FHDC1: variants seen among roughly 807,000 people sequenced by gnomAD.
FHDC1 encodes FH2 domain-containing protein 1.
A neutral mutation model predicts 52.6 loss-of-function variants in FHDC1; 25 were observed. The ratio of observed to expected loss-of-function variants is 0.48; its 90% CI spans 0.35 to 0.66. The LOEUF (loss-of-function observed/expected upper bound fraction) is 0.66. Ranked by LOEUF, FHDC1 falls within the 30% of genes least tolerant of loss-of-function variation. The pLI is 0.01. For missense variants in FHDC1, 1,459 were observed against 1,452.8 expected, an observed-to-expected ratio of 1.00 and a Z score of -0.07; for synonymous variants, 616 against 581.5, an observed-to-expected ratio of 1.06 and a Z score of -0.85.
Position 152,976,144 on chromosome 4 carries a change from C to T in FHDC1, c.2853C>T (p.Gly951=), listed in dbSNP as rs779825496. 1.9e-6 allele frequency: 3 copies of T among 1,611,338 alleles called. No individual in the cohort carries two copies. The highest frequency in any genetic ancestry group is 1.7e-6 in the Non-Finnish European group (2 of 1,179,160). The part of the protein sequence containing the change: ...RQNSVRRAST[G]AEEQRLPRGS... ...ACTCCGTGCGGAGGGCCTCCACAGG[C>T]GCCGAAGAGCAGAGGCTGCCGCGGG... Residue 951 remains glycine (G), a synonymous_variant, in exon 12 of 12, where the codon GGC becomes GGT. Transcript: ENST00000511601.
upstream of FHDC1, among the ~76,000 whole-genome samples, chr4:152,931,463 C>T (rs1028574996): frequency 9.5e-5 from 4 of 42,246 alleles, no homozygotes; most frequent in Non-Finnish European, 1.4e-4. Context: ...AAAACACACA[C>T]ACACACACAC....
intron 4 of FHDC1, among the ~76,000 whole-genome samples, chr4:152,959,940 A>ATCGG (rs1249030139): frequency 1.1e-5 from 1 of 95,100 alleles, no homozygotes; most frequent in Non-Finnish European, 2.0e-5. Context: ...GGGCAATCTT[A>ATCGG]ACGTCCCGTT....
chr4:152,965,480 A>G (rs1740429701), intron 9 of FHDC1, among the ~76,000 whole-genome samples: 1 of 152,234 alleles, frequency 6.6e-6, no homozygotes, highest in Admixed American at 6.5e-5. Context: ...GTATCTGCCA[A>G]ACATAAGGCT....
At chr4:152,914,317 C>T in the FHDC1 span, among the ~76,000 whole-genome samples, 5 of 152,020 alleles carry the variant, frequency 3.3e-5, no homozygotes, top group African/African-American at 9.7e-5. Context: ...AAGTGGTCAT[C>T]GTAATGTACA....
chr4:152,941,707 T>G (rs1739575784), intron 1 of FHDC1, among the ~76,000 whole-genome samples: 1 of 152,244 alleles, frequency 6.6e-6, no homozygotes, highest in Non-Finnish European at 1.5e-5. Context: ...TATTTGAATT[T>G]GTGAGATCAG....
At position 152,975,869 on chromosome 4, in the gene FHDC1, G is replaced by A; in HGVS notation, c.2578G>A (p.Val860Ile). 1 of 1,515,162 alleles carries A rather than the reference G, an allele frequency of 6.6e-7. No homozygotes were observed. The highest frequency in any genetic ancestry group is 8.8e-7 in the Non-Finnish European group (1 of 1,133,430). The allele number at this position is 1,515,162 out of a possible 1,614,324, so 93.9% of individuals were successfully genotyped here. Residue 860 changes from valine (V) to isoleucine (I), a missense_variant, in exon 12 of 12, where the codon GTA (valine) becomes ATA (isoleucine). This residue lies in a region of FHDC1 where 939 missense variants were observed against 854.5 expected (regional missense o/e 1.10). Coordinates refer to ENST00000511601, the MANE Select transcript of FHDC1 (RefSeq NM_001371116.1). ...RDKPTKRKDVVAPKRGSLKEA... is the reference protein window; with the variant it reads ...RDKPTKRKDVIAPKRGSLKEA... ...CAAACCCACCAAAAGGAAAGATGTT[G>A]TAGCACCAAAGAGAGGCTCCCTGAA...
chr4:152,917,191 A>G, the FHDC1 span: 2 of 141,322 alleles, frequency 1.4e-5, no homozygotes, highest in Non-Finnish European at 3.1e-5. Flanking sequence ...TTTTAGCCTA[A>G]TAATGATGGT....
rs770129906 is a variant in FHDC1, at chr4:152,976,153, G to A, written c.2862G>A (p.Glu954=). 7 of 1,611,948 alleles carry A rather than the reference G, an allele frequency of 4.3e-6. No individual in the cohort carries two copies. In the African/African-American group the frequency reaches 8.0e-5, roughly 18 times the overall value. Residue 954 remains glutamate, a synonymous_variant, in exon 12 of 12, where the codon GAG becomes GAA. Coordinates refer to ENST00000511601, the MANE Select transcript of FHDC1 (RefSeq NM_001371116.1). The part of the protein sequence containing the change: ...SVRRASTGAE[E]QRLPRGSSGS... ...GGAGGGCCTCCACAGGCGCCGAAGA[G>A]CAGAGGCTGCCGCGGGGGAGCAGCG...
At chr4:152,945,217 C>A (rs943791432) in intron 2 of FHDC1, among the ~76,000 whole-genome samples, 4 of 152,224 alleles carry the variant, frequency 2.6e-5, no homozygotes, top group African/African-American at 9.6e-5. Context: ...AGGAAAGTGG[C>A]AGGGGTGTGG....
At chr4:152,964,797 C>A in intron 8 of FHDC1, 108 bp from the exon 9 acceptor site, 2 of 864,198 alleles carry the variant, frequency 2.3e-6, no homozygotes, top group Non-Finnish European at 3.7e-6. Context: ...TTGAATGTGT[C>A]AAGTTTAAAA....
intron 2 of FHDC1, among the ~76,000 whole-genome samples, chr4:152,949,127 G>GAAGAAGAA (rs1739838166): frequency 2.8e-5 from 1 of 35,214 alleles, no homozygotes; most frequent in Non-Finnish European, 5.6e-5. Context: ...ATAATAATAA[G>GAAGAAGAA]AAGAAGAAGA....
In FHDC1 at chr4:152,976,777, T is replaced by C; in HGVS notation, c.*54T>C. 1 of 1,445,052 alleles carries C rather than the reference T, an allele frequency of 6.9e-7. No individual in the cohort carries two copies. The highest frequency in any genetic ancestry group is 9.1e-7 in the Non-Finnish European group (1 of 1,095,356). 89.5% of individuals were successfully genotyped at this position (1,445,052 alleles called of 1,614,324 possible). The stretch of plus-strand genomic sequence containing the variant: ...GATTCAGACGGTGAAGACTGACTTC[T>C]GGGACGAGGATGGGGAAAGAGGCAG... On this transcript the variant is annotated 3_prime_UTR_variant, in exon 12 of 12. Transcript: ENST00000511601.
intron 6 of FHDC1, among the ~76,000 whole-genome samples, chr4:152,961,803 A>AT (rs1284400558): frequency 6.6e-6 from 1 of 152,236 alleles, no homozygotes; most frequent in African/African-American, 2.4e-5. Flanking sequence ...AAGGAAAAAG[A>AT]TTTTTAAAAA....
chr4:152,935,830 G>GGTGT (rs35457762), upstream of FHDC1, among the ~76,000 whole-genome samples: 50 of 132,288 alleles, frequency 3.8e-4, no homozygotes, highest in Admixed American at 5.9e-4. Flanking sequence ...GGCGTGTGCG[G>GGTGT]GTGTGTGTGT....
chr4:152,920,908 A>G, the FHDC1 span, among the ~76,000 whole-genome samples: 1 of 151,390 alleles, frequency 6.6e-6, no homozygotes, highest in Non-Finnish European at 1.5e-5. Context: ...CCCTTTAATT[A>G]TAGACAACTT....
rs747172018 is a variant in FHDC1, at chr4:152,975,624, A to G, written c.2333A>G (p.Asp778Gly). The change falls in exon 12 of 12, where the codon GAC becomes GGC. Residue 778 changes from aspartate (D) to glycine (G), a missense_variant. This residue lies in a region of FHDC1 where 939 missense variants were observed against 854.5 expected (regional missense o/e 1.10). Coordinates refer to ENST00000511601, the MANE Select transcript of FHDC1 (RefSeq NM_001371116.1). Reference sequence around the variant, plus strand: ...CTGTTCTGCATCTCGGACACCACCGACTGCTCACTGACCCTGGACTGCTCA... The same window carrying G: ...CTGTTCTGCATCTCGGACACCACCGGCTGCTCACTGACCCTGGACTGCTCA... ...RPLFCISDTT[D>G]CSLTLDCSEG... The G allele has an allele frequency of 6.2e-7, 1 of 1,613,608 alleles. No homozygotes were observed. The highest frequency in any genetic ancestry group is 1.7e-5 in the Admixed American group (1 of 60,034).
At chr4:152,962,992 T>C (rs1332868235) in intron 7 of FHDC1, 31 bp from the exon 8 acceptor site, 1 of 1,560,648 alleles carries the variant, frequency 6.4e-7, no homozygotes, top group Non-Finnish European at 8.8e-7. Context: ...TATGTATACA[T>C]AATTTTTTCT....
At position 152,949,090 on chromosome 4, in the gene FHDC1, GTAATAATAATAATAATAA is replaced by G. The variant is rs368429472; in HGVS notation, c.499-4390_499-4373del. ...GGCAACAGAGCAAAACCTTGTCTCA[GTAATAATAATAATAATAA>G]TAATAATAATAATAATAAGAAGAAG... On this transcript the variant is annotated intron_variant, in intron 2 of 11. Transcript: ENST00000511601. 3.0e-3 allele frequency among the ~76,000 whole-genome samples: 349 copies of G among 117,546 alleles called. 2 individuals are homozygous for G. Among genetic ancestry groups the G allele is most frequent in the East Asian group, 0.02 (84 of 4,170 alleles). 77.1% of individuals were successfully genotyped at this position (117,546 alleles called of 152,430 possible).
chr4:152,919,916 AT>A, the FHDC1 span, among the ~76,000 whole-genome samples: 1 of 147,384 alleles, frequency 6.8e-6, no homozygotes, highest in Non-Finnish European at 1.5e-5. Flanking sequence ...GCTTTCTGGA[AT>A]TGGAAGGCAA....
Sources: gnomAD v4.1 joint callset for allele counts (sites outside exome capture counted in the v4.1 genomes callset) on GRCh38, gnomAD v4.1.1 for gene constraint, gnomAD v4.1.1 regional missense constraint, MANE v1.5 for transcripts, NCBI Gene and HGNC (gene_info 2026-07-23, HGNC 2026-07-21) for gene names.